Variants in BAALC observed in about 807,000 individuals in gnomAD.
BAALC encodes BAALC binder of MAP3K1 and KLF4.
A neutral mutation model predicts 15.5 loss-of-function variants in BAALC; 9 were observed. That is an observed-to-expected ratio of 0.58 (90% CI 0.35 to 1.02). BAALC has a LOEUF of 1.02. BAALC is among the 50% of genes least tolerant of loss of function. BAALC has a pLI of 0.02. For missense variants in BAALC, 201 were observed against 192.4 expected (o/e 1.04, Z -0.27); for synonymous variants, 80 against 74.6 (o/e 1.07, Z -0.37).
chr8:103,162,345 CTAAAAGCAAAAAGTT>C (rs1234654676), intron 1 of BAALC, among the ~76,000 whole-genome samples: 1 of 152,146 alleles, frequency 6.6e-6, no homozygotes. Flanking sequence ...AGCAAAAAGT[CTAAAAGCAAAAAGTT>C]GAAAAGCAAA....
intron 1 of BAALC, among the ~76,000 whole-genome samples, chr8:103,211,409 T>C (rs987408519): frequency 6.6e-6 from 1 of 152,226 alleles, no homozygotes; most frequent in Non-Finnish European, 1.5e-5. Context: ...TTTAAGATTA[T>C]TATTTCAAAT....
At chr8:103,150,337 GTGTGTGTGTGTGTGTC>G (rs1810959111) in intron 1 of BAALC, among the ~76,000 whole-genome samples, 1 of 128,576 alleles carries the variant, frequency 7.8e-6, no homozygotes, top group Admixed American at 7.9e-5. Flanking sequence ...ACATGGCTGT[GTGTGTGTGTGTGTGTC>G]TGTGTGTCTG....
At chr8:103,225,953 C>T (rs1447079866) in intron 2 of BAALC, among the ~76,000 whole-genome samples, 1 of 152,156 alleles carries the variant, frequency 6.6e-6, no homozygotes, top group Non-Finnish European at 1.5e-5. Context: ...TACAACAGAA[C>T]AATGGATTTT....
intron 1 of BAALC, chr8:103,171,815 C>G (rs946116508): frequency 2.0e-5 from 3 of 152,168 alleles, no homozygotes; most frequent in African/African-American, 7.2e-5. Context: ...ATCCAGGAAA[C>G]CCAGGCAAAA....
intron 1 of BAALC, chr8:103,191,546 A>G (rs963355685): frequency 6.6e-6 from 1 of 152,176 alleles, no homozygotes; most frequent in East Asian, 1.9e-4. Context: ...ACTACCGTAC[A>G]GGATTTCAAT....
chr8:103,212,059 G>C (rs1385597065), intron 1 of BAALC, among the ~76,000 whole-genome samples: 1 of 152,098 alleles, frequency 6.6e-6, no homozygotes, highest in East Asian at 1.9e-4. Flanking sequence ...TTTTCAGTGA[G>C]GCTATTTATT....
At chr8:103,221,560 G>A (rs1441906331) in intron 2 of BAALC, among the ~76,000 whole-genome samples, 2 of 152,166 alleles carry the variant, frequency 1.3e-5, no homozygotes, top group Middle Eastern at 3.4e-3. Context: ...GGTTTGGCTG[G>A]CTGGAAACTA....
At chr8:103,189,006 AAC>A (rs1418238394) in intron 1 of BAALC, among the ~76,000 whole-genome samples, 3 of 152,252 alleles carry the variant, frequency 2.0e-5, no homozygotes, top group Non-Finnish European at 2.9e-5. Context: ...TTTTAAATAT[AAC>A]TGTTAAATAA....
chr8:103,176,467 AG>A (rs1811608092), intron 1 of BAALC, among the ~76,000 whole-genome samples: 2 of 149,404 alleles, frequency 1.3e-5, no homozygotes, highest in Non-Finnish European at 3.0e-5. Context: ...AAGTGCCATA[AG>A]AAAAAAAAAA....
At chr8:103,223,417 AAAAGT>A (rs1159861304) in intron 2 of BAALC, among the ~76,000 whole-genome samples, 2 of 152,232 alleles carry the variant, frequency 1.3e-5, no homozygotes, top group Non-Finnish European at 2.9e-5. Flanking sequence ...TCTCTCAAAG[AAAAGT>A]AAAGAGCAGG....
chr8:103,147,226 C>A (rs983803267), intron 1 of BAALC, among the ~76,000 whole-genome samples: 1 of 152,162 alleles, frequency 6.6e-6, no homozygotes, highest in African/African-American at 2.4e-5. Context: ...ACAATTCCAA[C>A]CCTAGCCAAA....
intron 1 of BAALC, among the ~76,000 whole-genome samples, chr8:103,141,780 A>G (rs1810784174): frequency 6.6e-6 from 1 of 152,266 alleles, no homozygotes; most frequent in African/African-American, 2.4e-5. Context: ...TTTGACTATA[A>G]ATTAAATACT....
At chr8:103,218,974 AAT>A (rs1280175228) in intron 2 of BAALC, among the ~76,000 whole-genome samples, 4 of 152,222 alleles carry the variant, frequency 2.6e-5, no homozygotes, top group Non-Finnish European at 4.4e-5. Flanking sequence ...TTGGAAAGTA[AAT>A]ATGAGTCTCT....
At chr8:103,216,546 G>A (rs928597167) in intron 2 of BAALC, among the ~76,000 whole-genome samples, 15 of 152,114 alleles carry the variant, frequency 9.9e-5, no homozygotes, top group African/African-American at 3.1e-4. Context: ...GGAGTGCAGT[G>A]GTTCGGTCAC....
intron 1 of BAALC, among the ~76,000 whole-genome samples, chr8:103,172,670 C>T (rs191448758): frequency 2.8e-4 from 42 of 152,266 alleles, no homozygotes; most frequent in African/African-American, 8.9e-4. Context: ...GCTGGGATTA[C>T]AGACATGAGC....
chr8:103,188,920 C>T (rs774758829), intron 1 of BAALC, among the ~76,000 whole-genome samples: 13 of 152,056 alleles, frequency 8.5e-5, no homozygotes, highest in East Asian at 1.9e-4. Context: ...TTCTTTGAAA[C>T]GTTAAAAGTG....
chr8:103,187,814 G>A (rs1302060201), intron 1 of BAALC, among the ~76,000 whole-genome samples: 3 of 152,014 alleles, frequency 2.0e-5, no homozygotes, highest in Non-Finnish European at 4.4e-5. Context: ...TATGCTTCTG[G>A]CACCCACCAG....
chr8:103,183,284 T>C, intron 1 of BAALC: 1 of 696,254 alleles, frequency 1.4e-6, no homozygotes, highest in Non-Finnish European at 2.6e-6. Context: ...TGATGGGAAG[T>C]GGAGAAAAAC....
At chr8:103,155,566 A>G (rs900508067) in intron 1 of BAALC, among the ~76,000 whole-genome samples, 8 of 152,220 alleles carry the variant, frequency 5.3e-5, no homozygotes, top group Non-Finnish European at 8.8e-5. Context: ...ATTTCCTTCC[A>G]CAGGAGCAGT....
Sources: gnomAD v4.1 joint callset for allele counts (sites outside exome capture counted in the v4.1 genomes callset) on GRCh38, gnomAD v4.1.1 for gene constraint, MANE v1.5 for transcripts, NCBI Gene and HGNC (gene_info 2026-07-23, HGNC 2026-07-21) for gene names.